Variants in PPP4R1 observed in about 807,000 individuals in gnomAD.
PPP4R1 encodes protein phosphatase 4 regulatory subunit 1.
A neutral mutation model predicts 111.2 loss-of-function variants in PPP4R1; 42 were observed. That is an observed-to-expected ratio of 0.38 (90% CI 0.29 to 0.49). The LOEUF (loss-of-function observed/expected upper bound fraction) is 0.49. PPP4R1 is among the 20% of genes least tolerant of loss of function. The pLI is 0.97. For synonymous variants in PPP4R1, 409 were observed against 405.5 expected (o/e 1.01, Z -0.10); for missense variants, 1,012 against 1,161.6 (o/e 0.87, Z 1.87).
rs556180986 is a variant in PPP4R1, at chr18:9,576,679, A to G, written c.1046+385T>C. On this transcript the variant is annotated intron_variant, in intron 10 of 19. Transcript: ENST00000400556. ...AAATTAAGTTTTACTCCTTAAAAAC[A>G]AATTTAAAAAAACCCAAATACTACA... is the stretch of plus-strand genomic sequence containing the variant. Among the ~76,000 whole-genome samples, 13 of 152,324 alleles carry G rather than the reference A, an allele frequency of 8.5e-5. No individual in the cohort carries two copies. In the East Asian group the frequency reaches 2.3e-3, roughly 27 times the overall value.
At chr18:9,588,980 T>A (rs991527844) in intron 4 of PPP4R1, 127 bp from the exon 5 acceptor site, 1 of 1,150,956 alleles carries the variant, frequency 8.7e-7, no homozygotes, top group Admixed American at 2.6e-5. Flanking sequence ...TGAGACAACA[T>A]CCTTTAATTC....
At chr18:9,580,066 G>A (rs920200329) in intron 9 of PPP4R1, among the ~76,000 whole-genome samples, 4 of 152,070 alleles carry the variant, frequency 2.6e-5, no homozygotes, top group Non-Finnish European at 2.9e-5. Flanking sequence ...CTAACAAGCC[G>A]ATACAGGATA....
rs377221035 is a variant in PPP4R1 at position 9,550,232 on chromosome 18, G to A, written c.2412+46C>T. The A allele has an allele frequency of 5.6e-6, 9 of 1,613,860 alleles. No individual in the cohort carries two copies. The African/African-American group carries it at 1.1e-4, about 19-fold the overall frequency. ...AAATGAGGAACAGCTTCCATTCTAGGATCTTAGAGTTTGCTGATCTAAAAT... is the reference window on the plus strand; with the variant it reads ...AAATGAGGAACAGCTTCCATTCTAGAATCTTAGAGTTTGCTGATCTAAAAT... On this transcript the variant is annotated intron_variant, in intron 17 of 19. Coordinates refer to ENST00000400556, the MANE Select transcript of PPP4R1 (RefSeq NM_001042388.3).
intron 11 of PPP4R1, among the ~76,000 whole-genome samples, chr18:9,569,804 A>T (rs1393195828): frequency 6.6e-6 from 1 of 152,102 alleles, no homozygotes; most frequent in Non-Finnish European, 1.5e-5. Context: ...CACCATTTGA[A>T]CTTAGGCACA....
At position 9,547,349 on chromosome 18, in the gene PPP4R1, G is replaced by GT. The variant is rs1317010456; in HGVS notation, c.*439_*440insA. 1 of 166,026 alleles carries GT rather than the reference G, an allele frequency of 6.0e-6. No individual in the cohort carries two copies. Among genetic ancestry groups the GT allele is most frequent in the Non-Finnish European group, 1.3e-5 (1 of 75,374 alleles). The allele number at this position is 166,026 out of a possible 1,614,324, so 10.3% of individuals were successfully genotyped here. ...TCCTTCCTGGGAGAGAAGAGTTAGGGCTGATACTGAAGGTCTCTTTCACAT... is the reference window on the plus strand; with the variant it reads ...TCCTTCCTGGGAGAGAAGAGTTAGGGTCTGATACTGAAGGTCTCTTTCACAT... On this transcript the variant is annotated 3_prime_UTR_variant, in exon 20 of 20. Coordinates refer to ENST00000400556, the MANE Select transcript of PPP4R1 (RefSeq NM_001042388.3).
chr18:9,613,328 A>G (rs1273378971), intron 2 of PPP4R1, among the ~76,000 whole-genome samples: 3 of 152,236 alleles, frequency 2.0e-5, no homozygotes, highest in African/African-American at 7.2e-5. Context: ...AGTTAACTGC[A>G]ATTTGTCACT....
upstream of PPP4R1, chr18:9,617,112 C>T (rs1394715852): frequency 1.3e-5 from 2 of 152,152 alleles, no homozygotes; most frequent in Non-Finnish European, 2.9e-5. Context: ...AATCATTATT[C>T]TACATACCTT....
chr18:9,577,584 G>A (rs62088860), intron 9 of PPP4R1, among the ~76,000 whole-genome samples: 23,738 of 152,092 alleles, frequency 0.16, 2,487 homozygotes, highest in African/African-American at 0.3. Context: ...GAAGAAGCGC[G>A]TGAACCCATG....
At position 9,583,255 on chromosome 18, in the gene PPP4R1, A is replaced by G. The variant is rs1356525720; in HGVS notation, c.780T>C (p.Leu260=). The change falls in exon 9 of 20, where the codon CTT becomes CTC. Residue 260 remains leucine, a synonymous_variant. Transcript: ENST00000400556. ...GGACTCCCCATACATTATCAGAACA[A>G]AGCTGGAAAAATCTGGGCAGCTATG... The part of the protein sequence containing the change: ...EEMLLPRFFQ[L]CSDNVWGVRK... The G allele has an allele frequency of 3.8e-6, 6 of 1,581,944 alleles. No individual in the cohort carries two copies. The highest frequency in any genetic ancestry group is 5.2e-6 in the Non-Finnish European group (6 of 1,159,964).
At chr18:9,603,281 T>C (rs1052934548) in intron 2 of PPP4R1, among the ~76,000 whole-genome samples, 10 of 120,030 alleles carry the variant, frequency 8.3e-5, no homozygotes, top group African/African-American at 1.2e-4. Context: ...AAAGTAGAAA[T>C]GATGTTAAGT....
At chr18:9,594,562 T>C (rs552140662) in intron 3 of PPP4R1, 1 of 153,568 alleles carries the variant, frequency 6.5e-6, no homozygotes, top group African/African-American at 2.4e-5. Flanking sequence ...ACCAAGACTT[T>C]TTGATTTCCC....
chr18:9,576,708 T>C (rs554057558), intron 10 of PPP4R1, among the ~76,000 whole-genome samples: 2 of 151,998 alleles, frequency 1.3e-5, no homozygotes, highest in East Asian at 3.9e-4. Flanking sequence ...TACTACACAG[T>C]GTGTAACAAT....
In PPP4R1 at chr18:9,614,487, TGTG is replaced by T; in HGVS notation, c.-6_-4del. 9.7e-7 allele frequency: 1 copy of T among 1,029,860 alleles called. No individual in the cohort carries two copies. The highest frequency in any genetic ancestry group is 1.2e-6 in the Non-Finnish European group (1 of 859,840). 63.8% of individuals were successfully genotyped at this position (1,029,860 alleles called of 1,614,324 possible). On this transcript the variant is annotated 5_prime_UTR_variant, in exon 1 of 20. Transcript: ENST00000400556. The surrounding 1 kb of genome is among the most constrained non-coding windows in gnomAD (Gnocchi z 4.1). ...ACAGGGGGCCACGTACCCGCCATCT[TGTG>T]GTCGCCCCCTCCTCCGCGGCCGCCC...
chr18:9,594,846 C>T, intron 3 of PPP4R1, 172 bp downstream of exon 3: 1 of 675,876 alleles, frequency 1.5e-6, no homozygotes, highest in Non-Finnish European at 2.2e-6. Context: ...TTACTAGGAT[C>T]AAAGAATAAA....
chr18:9,565,115 T>C (rs1196302219), intron 11 of PPP4R1, among the ~76,000 whole-genome samples: 1 of 152,206 alleles, frequency 6.6e-6, no homozygotes, highest in Non-Finnish European at 1.5e-5. Flanking sequence ...GCCTCTGTAT[T>C]GTATGTTGGT....
At chr18:9,563,764 T>C in intron 11 of PPP4R1, 2 of 431,280 alleles carry the variant, frequency 4.6e-6, no homozygotes, top group Non-Finnish European at 8.2e-6. Context: ...TTAAAAATGT[T>C]TATCTGCTAC....
intron 16 of PPP4R1, 183 bp from the exon 17 acceptor site, chr18:9,550,581 G>C (rs138924630): frequency 2.4e-4 from 155 of 644,430 alleles, no homozygotes; most frequent in African/African-American, 2.1e-3. Flanking sequence ...ATCTGGAAAT[G>C]CACTTACATG....
At chr18:9,564,696 TGG>T (rs201900283) in intron 11 of PPP4R1, among the ~76,000 whole-genome samples, 6,443 of 84,876 alleles carry the variant, frequency 0.076, 180 homozygotes, top group Middle Eastern at 0.14. Context: ...ATAAAGTGCA[TGG>T]TGTGTGTGTG....
rs952539089 is a variant in PPP4R1, at chr18:9,563,570, A to G, written c.1574-20T>C. ...CTTGTGCTACAGGCAAAATAAGGAA[A>G]TGGACAAAGTGAGAAACACAATTGC... On this transcript the variant is annotated intron_variant, in intron 11 of 19. Coordinates refer to ENST00000400556, the MANE Select transcript of PPP4R1 (RefSeq NM_001042388.3). 6.5e-7 allele frequency: 1 copy of G among 1,549,862 alleles called. No homozygotes were observed. Among genetic ancestry groups the G allele is most frequent in the Non-Finnish European group, 8.8e-7 (1 of 1,137,284 alleles).
Sources: gnomAD v4.1 joint callset for allele counts (sites outside exome capture counted in the v4.1 genomes callset) on GRCh38, gnomAD v4.1.1 for gene constraint, Gnocchi (gnomAD v3.1) non-coding constraint, MANE v1.5 for transcripts, NCBI Gene and HGNC (gene_info 2026-07-23, HGNC 2026-07-21) for gene names.